The following SLC9C1 variants were observed in gnomAD, a reference collection of about 807,000 sequenced individuals.
SLC9C1 encodes sodium/hydrogen exchanger 10.
Under a neutral mutation model 140.9 loss-of-function variants are expected in SLC9C1, and 97 were observed. The ratio of observed to expected loss-of-function variants is 0.69; its 90% confidence interval spans 0.58 to 0.82. SLC9C1 has a LOEUF of 0.82. Ranked by LOEUF, SLC9C1 falls within the 40% of genes least tolerant of loss-of-function variation. SLC9C1 has a pLI of 0.00. For synonymous variants in SLC9C1, 440 were observed against 442.6 expected (o/e 0.99, Z 0.07); for missense variants, 1,340 against 1,389.3 (o/e 0.96, Z 0.56).
rs1337226934 is a variant in SLC9C1 at position 112,239,889 on chromosome 3, G to T, written c.1397C>A (p.Ala466Asp). The part of the protein sequence containing the change: ...ALKFDKDLAN[A>D]DWNMIEKAIT... ...TGCTTTCTCAATCATGTTCCAATCA[G>T]CATTAGCAAGATCTTTGTCAAATTT... Residue 466 changes from alanine (A) to aspartate (D), a missense_variant, in exon 12 of 29, where the codon GCT becomes GAT. Coordinates refer to ENST00000305815, the MANE Select transcript of SLC9C1 (RefSeq NM_183061.3). 1.2e-6 allele frequency: 2 copies of T among 1,613,882 alleles called. No individual in the cohort carries two copies. The highest frequency in any genetic ancestry group is 1.7e-5 in the Admixed American group (1 of 60,004).
intron 1 of SLC9C1, among the ~76,000 whole-genome samples, chr3:112,288,335 T>C (rs1353433721): frequency 6.6e-6 from 1 of 152,200 alleles, no homozygotes; most frequent in Non-Finnish European, 1.5e-5. Flanking sequence ...ACAGGTTTTA[T>C]TTGCATTGTT....
chr3:112,228,524 A>T (rs188021679), intron 13 of SLC9C1, among the ~76,000 whole-genome samples: 39 of 152,232 alleles, frequency 2.6e-4, no homozygotes, highest in African/African-American at 9.4e-4. Context: ...AAGGAAAAAT[A>T]GACATATGAG....
intron 3 of SLC9C1, 60 bp from the exon 4 acceptor site, chr3:112,278,917 T>G (rs1256870249): frequency 4.6e-6 from 7 of 1,508,928 alleles, no homozygotes; most frequent in African/African-American, 1.4e-5. Flanking sequence ...ATAGAATACA[T>G]GCTAGGTGCT....
rs763534605 is a variant in SLC9C1, at chr3:112,208,292, A to G, written c.1872T>C (p.Asn624=). The G allele has an allele frequency of 1.2e-6, 2 of 1,609,770 alleles. No individual in the cohort carries two copies. Among genetic ancestry groups the G allele is most frequent in the South Asian group, 2.2e-5 (2 of 90,808 alleles). The change falls in exon 16 of 29, where the codon AAT becomes AAC. Residue 624 remains asparagine, a synonymous_variant. Coordinates refer to ENST00000305815, the MANE Select transcript of SLC9C1 (RefSeq NM_183061.3). Reference sequence around the variant, plus strand: ...TCCAAGAGATTATAAAGGGAAATATATTCATTAATATCACAAGGTATCCAA... The same window carrying G: ...TCCAAGAGATTATAAAGGGAAATATGTTCATTAATATCACAAGGTATCCAA... ...EHVGYLVILM[N]IFPFIISWIS...
intron 20 of SLC9C1, among the ~76,000 whole-genome samples, chr3:112,195,491 AT>A (rs923607229): frequency 2.7e-4 from 41 of 151,778 alleles, no homozygotes; most frequent in African/African-American, 9.2e-4. Flanking sequence ...ATTTTGCTGT[AT>A]TTTTTTTGTA....
chr3:112,270,853 C>T (rs1447848533), intron 6 of SLC9C1, among the ~76,000 whole-genome samples: 1 of 152,052 alleles, frequency 6.6e-6, no homozygotes, highest in Non-Finnish European at 1.5e-5. Flanking sequence ...TGTATGTCTT[C>T]TTTTAATGTC....
intron 14 of SLC9C1, among the ~76,000 whole-genome samples, chr3:112,218,436 T>TGG (rs1210513766): frequency 2.3e-4 from 1 of 4,332 alleles, no homozygotes; most frequent in Non-Finnish European, 0.012. Flanking sequence ...CTTTAAAACT[T>TGG]GTATATATAT....
At chr3:112,165,897 T>C (rs1324309869) in intron 26 of SLC9C1, among the ~76,000 whole-genome samples, 2 of 152,226 alleles carry the variant, frequency 1.3e-5, no homozygotes, top group Non-Finnish European at 2.9e-5. Context: ...GCAGGCCTCC[T>C]TGAGCTGCAG....
chr3:112,192,754 T>C (rs897378244), intron 20 of SLC9C1, among the ~76,000 whole-genome samples: 10 of 152,228 alleles, frequency 6.6e-5, no homozygotes, highest in Non-Finnish European at 1.3e-4. Flanking sequence ...ATTGTTTTTC[T>C]GATTTGGTGT....
intron 2 of SLC9C1, among the ~76,000 whole-genome samples, chr3:112,284,985 CT>C (rs61428176): frequency 0.015 from 1,537 of 103,754 alleles, 5 homozygotes; most frequent in African/African-American, 0.04. Flanking sequence ...TACAATTTTT[CT>C]TTTTTTTTTT....
intron 12 of SLC9C1, among the ~76,000 whole-genome samples, chr3:112,239,178 A>G (rs1408034542): frequency 6.6e-6 from 1 of 152,112 alleles, no homozygotes; most frequent in African/African-American, 2.4e-5. Context: ...CCCCAGCCTC[A>G]CTGCCACCTT....
At chr3:112,239,611 A>G (rs74597248) in intron 12 of SLC9C1, among the ~76,000 whole-genome samples, 3 of 152,194 alleles carry the variant, frequency 2.0e-5, no homozygotes, top group South Asian at 2.1e-4. Context: ...CCCCCAAAAC[A>G]TATATTTTAA....
intron 14 of SLC9C1, among the ~76,000 whole-genome samples, chr3:112,220,035 T>C (rs2078497862): frequency 6.6e-6 from 1 of 152,138 alleles, no homozygotes; most frequent in African/African-American, 2.4e-5. Context: ...CTCAACTCCC[T>C]CAACTTTACT....
At chr3:112,276,191 CCTAA>C (rs2080209207) in intron 5 of SLC9C1, among the ~76,000 whole-genome samples, 1 of 152,096 alleles carries the variant, frequency 6.6e-6, no homozygotes, top group Non-Finnish European at 1.5e-5. Context: ...CTCAGCAAAA[CCTAA>C]CTGATATTAT....
intron 20 of SLC9C1, chr3:112,185,714 G>C: frequency 6.5e-7 from 1 of 1,540,472 alleles, no homozygotes; most frequent in South Asian, 1.2e-5. Flanking sequence ...TGAGCTCCTC[G>C]GACACGGCGG....
At chr3:112,278,454 G>T (rs1370049774) in intron 4 of SLC9C1, among the ~76,000 whole-genome samples, 4 of 152,038 alleles carry the variant, frequency 2.6e-5, no homozygotes, top group Admixed American at 6.6e-5. Flanking sequence ...TAGCACTCTT[G>T]TAGCATTTCC....
Position 112,169,265 on chromosome 3 carries a change from G to A in SLC9C1, c.2983C>T (p.Gln995Ter). The A allele has an allele frequency of 6.2e-7, 1 of 1,613,490 alleles. No individual in the cohort carries two copies. Among genetic ancestry groups the A allele is most frequent in the Non-Finnish European group, 8.5e-7 (1 of 1,179,744 alleles). The change falls in exon 24 of 29, where the codon CAA becomes TAA. Residue 995 changes from glutamine to a stop codon, truncating the protein, a stop_gained. Coordinates refer to ENST00000305815, the MANE Select transcript of SLC9C1 (RefSeq NM_183061.3). LOFTEE classifies it high-confidence loss of function. ...AGTCCAAGTTTTAGCCACATTTTTTGTTTAATGAGAGGAGAGCATTGCTCA... is the reference window on the plus strand; with the variant it reads ...AGTCCAAGTTTTAGCCACATTTTTTATTTAATGAGAGGAGAGCATTGCTCA... ...AFEQCSPLIK[Q>*]KMWLKLGLAI...
chr3:112,169,505 A>G (rs967168101), intron 23 of SLC9C1, among the ~76,000 whole-genome samples, 177 bp from the exon 24 acceptor site: 4 of 152,056 alleles, frequency 2.6e-5, no homozygotes, highest in Non-Finnish European at 4.4e-5. Flanking sequence ...TCCTTTCCCT[A>G]TGTTGTTGTT....
rs1192559586 is a variant in SLC9C1 at position 112,245,070 on chromosome 3, TG to T, written c.1198-995del. ...TCTCACATCCCCAAAATTTCTCTAA[TG>T]CTCCTTCCTAATAAGTCATTCACCA... On this transcript the variant is annotated intron_variant, in intron 10 of 28. Transcript: ENST00000305815. 2.6e-5 allele frequency among the ~76,000 whole-genome samples: 4 copies of T among 152,270 alleles called. No homozygotes were observed. In the East Asian group the frequency reaches 7.7e-4, roughly 29 times the overall value.
Sources: allele counts gnomAD v4.1 joint callset (sites outside exome capture counted in the v4.1 genomes callset), GRCh38; gene constraint gnomAD v4.1.1; transcripts MANE v1.5; gene names NCBI Gene and HGNC (gene_info 2026-07-23, HGNC 2026-07-21).